The following TENM4 variants were observed in gnomAD, a reference collection of about 807,000 sequenced individuals.
TENM4 encodes teneurin transmembrane protein 4.
In TENM4, 82 loss-of-function variants were observed where a neutral mutation model predicts 243.3. The observed-to-expected ratio is 0.34, with a 90% CI of 0.28 to 0.40. The LOEUF is 0.40. TENM4 is among the 10% of genes least tolerant of loss of function. The probability of loss-of-function intolerance (pLI) is 1.00; values close to 1 mark genes in which losing one functional copy is unlikely to be tolerated. For missense variants in TENM4, 3,138 were observed against 3,673.3 expected, an observed-to-expected ratio of 0.85 and a Z score of 3.77; for synonymous variants, 1,412 against 1,456.3, an observed-to-expected ratio of 0.97 and a Z score of 0.69.
At chr11:79,003,887 A>G (rs1321453096) in intron 6 of TENM4, among the ~76,000 whole-genome samples, 1 of 152,010 alleles carries the variant, frequency 6.6e-6, no homozygotes. Flanking sequence ...TCTTCAAGAG[A>G]CCATCTCACA....
rs565224923 is a variant in TENM4, at chr11:79,392,503, A to G, written c.-321+48006T>C. On this transcript the variant is annotated intron_variant, in intron 1 of 33. Coordinates refer to ENST00000278550, the MANE Select transcript of TENM4 (RefSeq NM_001098816.3). ...AGTCGCAGGGAGAATATACACCCAC[A>G]TGTTTCTTTGTGTGCTCCTGGATCA... is the stretch of plus-strand genomic sequence containing the variant. Among the ~76,000 whole-genome samples, 16 of 152,258 alleles carry G rather than the reference A, an allele frequency of 1.1e-4. No individual in the cohort carries two copies. In the South Asian group the frequency reaches 3.1e-3, roughly 30 times the overall value.
chr11:78,764,555 TAGAC>T (rs1591005435), intron 18 of TENM4, among the ~76,000 whole-genome samples: 1 of 152,348 alleles, frequency 6.6e-6, no homozygotes, highest in East Asian at 1.9e-4. Flanking sequence ...AATCTCAAAT[TAGAC>T]AGCTCCATCA....
chr11:78,955,013 G>T (rs1416175378), intron 6 of TENM4, among the ~76,000 whole-genome samples: 1 of 152,230 alleles, frequency 6.6e-6, no homozygotes, highest in Non-Finnish European at 1.5e-5. Context: ...AGGTTTTCAT[G>T]ATGAGGCTTC....
intron 29 of TENM4, among the ~76,000 whole-genome samples, chr11:78,687,661 C>T (rs1368179149): frequency 6.6e-6 from 1 of 152,166 alleles, no homozygotes; most frequent in African/African-American, 2.4e-5. Context: ...ACCTGGGCTT[C>T]AGGAAGGACT....
In TENM4 at chr11:78,805,440, T is replaced by C; in HGVS notation, c.2031A>G (p.Glu677=). The change falls in exon 15 of 34, where the codon GAA becomes GAG. Residue 677 remains glutamate (E), a synonymous_variant. Coordinates refer to ENST00000278550, the MANE Select transcript of TENM4 (RefSeq NM_001098816.3). ...CSGRGVCVRG[E]CHCSVGWGGT... ...CTCCCCATCCCACAGAGCAGTGGCA[T>C]TCGCCTCTCACGCAGACACCCCGGC... 6.3e-7 allele frequency: 1 copy of C among 1,599,648 alleles called. No individual in the cohort carries two copies. The highest frequency in any genetic ancestry group is 8.5e-7 in the Non-Finnish European group (1 of 1,173,028).
intron 23 of TENM4, among the ~76,000 whole-genome samples, chr11:78,724,012 C>T (rs1196971733): frequency 2.7e-5 from 4 of 150,424 alleles, no homozygotes; most frequent in Non-Finnish European, 5.9e-5. Flanking sequence ...TCTTTCTTGC[C>T]TACCCTCCCT....
At chr11:79,161,429 T>G (rs1341660802) in intron 3 of TENM4, among the ~76,000 whole-genome samples, 1 of 152,230 alleles carries the variant, frequency 6.6e-6, no homozygotes, top group Non-Finnish European at 1.5e-5. Context: ...ATTAAAAGAT[T>G]GATATAAGAC....
At chr11:79,066,754 G>A (rs539773201) in intron 5 of TENM4, among the ~76,000 whole-genome samples, 1 of 127,640 alleles carries the variant, frequency 7.8e-6, no homozygotes, top group East Asian at 2.1e-4. Flanking sequence ...ACACACGCAC[G>A]CACAAGCACG....
In TENM4 at chr11:78,720,767, C is replaced by T. The variant is rs953933420; in HGVS notation, c.3801-377G>A. On this transcript the variant is annotated intron_variant, in intron 24 of 33. Transcript: ENST00000278550. ...ACATGCTTACTGCCCTGTGTCTCCA[C>T]ATGCACACTTCCCTACAAAGAGTTA... Among the ~76,000 whole-genome samples, 6 of 152,160 alleles carry T rather than the reference C, an allele frequency of 3.9e-5. 1 individual carries two copies. The highest frequency in any genetic ancestry group is 6.5e-5 in the Admixed American group (1 of 15,274).
At chr11:79,383,603 G>A (rs1258749566) in intron 1 of TENM4, among the ~76,000 whole-genome samples, 1 of 152,188 alleles carries the variant, frequency 6.6e-6, no homozygotes, top group Non-Finnish European at 1.5e-5. Flanking sequence ...TTCTGTGCCA[G>A]GTGTGGGTGC....
intron 6 of TENM4, among the ~76,000 whole-genome samples, chr11:78,965,018 C>CT (rs1321086857): frequency 6.6e-6 from 1 of 152,072 alleles, no homozygotes; most frequent in African/African-American, 2.4e-5. Context: ...CAGGTGTGCA[C>CT]TACCATGCCT....
chr11:79,095,138 G>T (rs1861048212), intron 4 of TENM4, among the ~76,000 whole-genome samples: 2 of 152,126 alleles, frequency 1.3e-5, no homozygotes, highest in African/African-American at 4.8e-5. Flanking sequence ...TTGGAAATGG[G>T]GTCCAGGCTG....
chr11:78,792,159 G>A (rs1296259462), intron 15 of TENM4, among the ~76,000 whole-genome samples: 1 of 152,194 alleles, frequency 6.6e-6, no homozygotes, highest in African/African-American at 2.4e-5. Context: ...ACTAATTGAT[G>A]AGGACCTAAG....
chr11:79,377,135 G>A (rs1857907559), intron 1 of TENM4, among the ~76,000 whole-genome samples: 1 of 152,182 alleles, frequency 6.6e-6, no homozygotes, highest in South Asian at 2.1e-4. Flanking sequence ...GTGGCCACAA[G>A]CCAAGGAATG....
At chr11:79,142,749 T>C (rs1217967845) in intron 4 of TENM4, among the ~76,000 whole-genome samples, 3 of 152,116 alleles carry the variant, frequency 2.0e-5, no homozygotes, top group Non-Finnish European at 4.4e-5. Context: ...AGAGCTATAG[T>C]AACCAAAACA....
intron 2 of TENM4, among the ~76,000 whole-genome samples, chr11:79,294,551 A>G (rs1856413955): frequency 6.6e-6 from 1 of 152,108 alleles, no homozygotes; most frequent in Admixed American, 6.6e-5. Flanking sequence ...CTCGTTCAGT[A>G]AGAAGCTAAG....
chr11:79,411,458 C>T (rs1415217774), intron 1 of TENM4, among the ~76,000 whole-genome samples: 2 of 152,196 alleles, frequency 1.3e-5, no homozygotes, highest in South Asian at 2.1e-4. Context: ...TGCTCTCCAG[C>T]GTGAAGCAAG....
chr11:79,369,067 T>C (rs1447429996), intron 1 of TENM4, among the ~76,000 whole-genome samples: 3 of 152,186 alleles, frequency 2.0e-5, no homozygotes, highest in African/African-American at 7.2e-5. Flanking sequence ...CTCCCCACTC[T>C]CTTTTCCCTT....
At chr11:79,183,803 C>T (rs1475321016) in intron 3 of TENM4, among the ~76,000 whole-genome samples, 2 of 152,130 alleles carry the variant, frequency 1.3e-5, no homozygotes, top group African/African-American at 4.8e-5. Flanking sequence ...ATGAATGACT[C>T]ACTCTATTCT....
Sources: gnomAD v4.1 joint callset for allele counts (sites outside exome capture counted in the v4.1 genomes callset) on GRCh38, gnomAD v4.1.1 for gene constraint, MANE v1.5 for transcripts, NCBI Gene and HGNC (gene_info 2026-07-23, HGNC 2026-07-21) for gene names.